Variants in FHOD3 observed in about 807,000 individuals in gnomAD.
FHOD3 encodes the protein FH1/FH2 domain-containing protein 3.
FHOD3 carries 90 observed loss-of-function variants against 173.0 expected under a neutral mutation model. The ratio of observed to expected loss-of-function variants is 0.52; its 90% CI spans 0.44 to 0.62. The LOEUF is 0.62. Ranked by LOEUF, FHOD3 falls within the 20% of genes least tolerant of loss-of-function variation. The probability of loss-of-function intolerance (pLI) is 0.00; values close to 1 mark genes in which losing one functional copy is unlikely to be tolerated. For synonymous variants in FHOD3, 828 were observed against 823.0 expected (o/e 1.01, Z -0.10); for missense variants, 1,945 against 2,034.7 (o/e 0.96, Z 0.85).
intron 1 of FHOD3, among the ~76,000 whole-genome samples, chr18:36,345,361 G>A (rs1316435710): frequency 2.6e-5 from 4 of 152,088 alleles, no homozygotes; most frequent in Admixed American, 2.0e-4. Flanking sequence ...ATTTTGAATC[G>A]AACATAATGA....
intron 3 of FHOD3, among the ~76,000 whole-genome samples, chr18:36,387,513 C>T (rs896405919): frequency 6.6e-6 from 1 of 152,166 alleles, no homozygotes; most frequent in African/African-American, 2.4e-5. Flanking sequence ...CTCAAAATAA[C>T]ACATCAATCT....
At chr18:36,569,769 G>A (rs1464591962) in intron 5 of FHOD3, among the ~76,000 whole-genome samples, 13 of 152,156 alleles carry the variant, frequency 8.5e-5, no homozygotes, top group Non-Finnish European at 1.3e-4. Context: ...AATCAGTAAC[G>A]GAAGGAGAAC....
At chr18:36,688,396 G>A (rs149496418) in intron 16 of FHOD3, among the ~76,000 whole-genome samples, 4 of 152,172 alleles carry the variant, frequency 2.6e-5, no homozygotes, top group African/African-American at 7.2e-5. Flanking sequence ...AGTGGAGACT[G>A]CCTGTCTTCA....
chr18:36,381,527 G>T lies in FHOD3; in HGVS notation c.337+8783G>T, dbSNP rs575257432. Among the ~76,000 whole-genome samples, 237 of 152,280 alleles carry T rather than the reference G, an allele frequency of 1.6e-3. 3 individuals are homozygous for T. Among genetic ancestry groups the T allele is most frequent in the Middle Eastern group, 6.8e-3 (2 of 294 alleles). ...AGTAGCTGCCCGAGAGGAGGATGAG[G>T]GTGCCAGGCAGAGGCTGCGAGTCCC... is the stretch of plus-strand genomic sequence containing the variant. On this transcript the variant is annotated intron_variant, in intron 3 of 28. Transcript: ENST00000590592.
At chr18:36,433,547 C>G (rs142490948) in intron 3 of FHOD3, among the ~76,000 whole-genome samples, 23 of 152,292 alleles carry the variant, frequency 1.5e-4, no homozygotes, top group African/African-American at 4.8e-4. Flanking sequence ...GGCATGTGGT[C>G]TAGTGCAAGG....
intron 5 of FHOD3, among the ~76,000 whole-genome samples, chr18:36,513,026 G>A (rs777611188): frequency 1.1e-4 from 17 of 152,126 alleles, no homozygotes; most frequent in Non-Finnish European, 2.4e-4. Flanking sequence ...GAGCGGGTCC[G>A]GGATTTGCCT....
intron 1 of FHOD3, among the ~76,000 whole-genome samples, chr18:36,325,795 C>G (rs2044640270): frequency 6.6e-6 from 1 of 152,206 alleles, no homozygotes; most frequent in Non-Finnish European, 1.5e-5. Context: ...AGAACATTTA[C>G]TTAAAGGACA....
intron 5 of FHOD3, among the ~76,000 whole-genome samples, chr18:36,517,584 C>G (rs1359666247): frequency 6.6e-6 from 1 of 152,224 alleles, no homozygotes; most frequent in Non-Finnish European, 1.5e-5. Flanking sequence ...TTCGGGCTAG[C>G]TTTACATGGA....
intron 3 of FHOD3, among the ~76,000 whole-genome samples, chr18:36,393,048 C>T (rs924129650): frequency 6.6e-6 from 1 of 152,198 alleles, no homozygotes; most frequent in Non-Finnish European, 1.5e-5. Context: ...TATTCATGAC[C>T]TTTGAGAAAG....
At chr18:36,575,303 G>A (rs573910010) in intron 5 of FHOD3, among the ~76,000 whole-genome samples, 1 of 152,170 alleles carries the variant, frequency 6.6e-6, no homozygotes, top group East Asian at 1.9e-4. Context: ...ATCTTCTGTT[G>A]GATAGGATGC....
At chr18:36,744,470 A>T (rs879464422) in intron 23 of FHOD3, among the ~76,000 whole-genome samples, 4 of 152,374 alleles carry the variant, frequency 2.6e-5, no homozygotes, top group Admixed American at 2.6e-4. Context: ...ACTGTTAGGC[A>T]GTGTTACTCA....
At chr18:36,742,643 A>T in intron 21 of FHOD3, 94 bp from the exon 22 acceptor site, 1 of 1,368,694 alleles carries the variant, frequency 7.3e-7, no homozygotes, top group South Asian at 1.4e-5. Context: ...GCTGGGGAGA[A>T]CACCGTGTGT....
At chr18:36,496,073 C>A (rs1179103292) in intron 3 of FHOD3, among the ~76,000 whole-genome samples, 1 of 152,198 alleles carries the variant, frequency 6.6e-6, no homozygotes, top group Admixed American at 6.5e-5. Flanking sequence ...GCCTGCACAG[C>A]CTTGGTGAAG....
chr18:36,454,455 A>G (rs1259694023), intron 3 of FHOD3, among the ~76,000 whole-genome samples: 1 of 152,174 alleles, frequency 6.6e-6, no homozygotes, highest in Non-Finnish European at 1.5e-5. Flanking sequence ...TAGTGTTCAC[A>G]TTATTAAGAT....
chr18:36,502,785 C>T (rs1032633470), intron 4 of FHOD3, among the ~76,000 whole-genome samples: 6 of 152,152 alleles, frequency 3.9e-5, no homozygotes, highest in African/African-American at 1.4e-4. Context: ...TTCCACCCTA[C>T]CCCCACATGC....
chr18:36,415,376 C>T (rs548860329), intron 3 of FHOD3, among the ~76,000 whole-genome samples: 14 of 152,212 alleles, frequency 9.2e-5, no homozygotes, highest in African/African-American at 3.4e-4. Flanking sequence ...AGCAGTGAGG[C>T]TGAGATAGGG....
chr18:36,697,204 A>T (rs968514611), intron 17 of FHOD3, among the ~76,000 whole-genome samples: 2 of 152,206 alleles, frequency 1.3e-5, no homozygotes, highest in African/African-American at 4.8e-5. Flanking sequence ...ATGGAAACAG[A>T]ATAGAGAGAA....
intron 1 of FHOD3, among the ~76,000 whole-genome samples, chr18:36,331,239 T>A (rs1002822894): frequency 5.3e-5 from 8 of 152,224 alleles, no homozygotes. Context: ...ACTACTAGTT[T>A]AAGAATATTC....
intron 3 of FHOD3, among the ~76,000 whole-genome samples, chr18:36,484,438 G>A (rs900253926): frequency 6.6e-6 from 1 of 152,104 alleles, no homozygotes; most frequent in Non-Finnish European, 1.5e-5. Context: ...AGATGCTAAA[G>A]GTGCTTCTCT....
Sources: gnomAD v4.1 joint callset for allele counts (sites outside exome capture counted in the v4.1 genomes callset) on GRCh38, gnomAD v4.1.1 for gene constraint, MANE v1.5 for transcripts, NCBI Gene and HGNC (gene_info 2026-07-23, HGNC 2026-07-21) for gene names.